The following A1CF variants were observed in gnomAD, a reference collection of about 807,000 sequenced individuals.
The protein encoded by A1CF is APOBEC1 complementation factor, also known as APOBEC-1 stimulating protein.
A1CF carries 48 observed loss-of-function variants against 68.9 expected under a neutral mutation model. The ratio of observed to expected loss-of-function variants is 0.70; its 90% CI spans 0.55 to 0.89. A1CF has a LOEUF of 0.89. A1CF is among the 40% of genes least tolerant of loss of function. The probability of loss-of-function intolerance (pLI) is 0.00; values close to 1 mark genes in which losing one functional copy is unlikely to be tolerated. For synonymous variants in A1CF, 272 were observed against 260.4 expected (o/e 1.04, Z -0.43); for missense variants, 653 against 718.9 (o/e 0.91, Z 1.05).
intron 1 of A1CF, among the ~76,000 whole-genome samples, chr10:50,877,980 G>A (rs1005134421): frequency 2.0e-5 from 3 of 152,190 alleles, no homozygotes; most frequent in African/African-American, 7.2e-5. Flanking sequence ...AAATTAGCCA[G>A]TTGTGGTGGC....
At chr10:50,863,059 T>G (rs1007838130) in intron 2 of A1CF, 54 of 152,226 alleles carry the variant, frequency 3.5e-4, no homozygotes, top group Admixed American at 3.1e-3. Context: ...AAAGGTATCT[T>G]GAAATCAGAA....
chr10:50,837,309 T>C (rs1347141145), intron 5 of A1CF, among the ~76,000 whole-genome samples: 3 of 152,062 alleles, frequency 2.0e-5, no homozygotes, highest in Non-Finnish European at 2.9e-5. Flanking sequence ...CTGTACAGAG[T>C]TGCTTCTTAG....
intron 3 of A1CF, among the ~76,000 whole-genome samples, chr10:50,856,173 A>G (rs886385195): frequency 6.6e-6 from 1 of 152,032 alleles, no homozygotes; most frequent in Admixed American, 6.6e-5. Context: ...ATAGTTGGGT[A>G]TTGCGTACCT....
intron 1 of A1CF, among the ~76,000 whole-genome samples, chr10:50,880,732 A>G (rs942990502): frequency 4.6e-5 from 7 of 152,244 alleles, no homozygotes; most frequent in Admixed American, 1.3e-4. Context: ...TCCCAGTAGA[A>G]GAGCTGGATA....
At chr10:50,830,492 C>G (rs1839185636) in intron 6 of A1CF, among the ~76,000 whole-genome samples, 1 of 151,916 alleles carries the variant, frequency 6.6e-6, no homozygotes, top group Admixed American at 6.6e-5. Context: ...AAAACTGAAA[C>G]AGAAATCAAG....
chr10:50,860,000 A>C lies in A1CF; in HGVS notation c.-45-15T>G. 1 of 1,312,894 alleles carries C rather than the reference A, an allele frequency of 7.6e-7. No individual in the cohort carries two copies. 81.3% of individuals were successfully genotyped at this position (1,312,894 alleles called of 1,614,324 possible). A position where few individuals can be genotyped will look rare whatever the true frequency, so the allele number is the denominator to read the frequency against. On this transcript the variant is annotated splice_polypyrimidine_tract_variant and intron_variant, in intron 2 of 12. Transcript: ENST00000373997. ...AGGGTTGCTCACTGAAACCAAATTT[A>C]AGATAAATTAAGTAAATTACTGTTG... is the stretch of plus-strand genomic sequence containing the variant.
chr10:50,821,775 G>C (rs917193656), intron 7 of A1CF, among the ~76,000 whole-genome samples: 1 of 152,116 alleles, frequency 6.6e-6, no homozygotes, highest in Non-Finnish European at 1.5e-5. Flanking sequence ...GACCTCAGGT[G>C]ATCTGCCTAC....
At chr10:50,872,946 C>CTT (rs34770362) in intron 1 of A1CF, among the ~76,000 whole-genome samples, 1,050 of 67,330 alleles carry the variant, frequency 0.016, 216 homozygotes, top group Non-Finnish European at 0.023. Flanking sequence ...ATTTAAGTTC[C>CTT]TTTTTTTTTT....
intron 8 of A1CF, among the ~76,000 whole-genome samples, chr10:50,818,956 C>G (rs180879863): frequency 1.1e-3 from 163 of 152,190 alleles, no homozygotes; most frequent in African/African-American, 3.6e-3. Flanking sequence ...ACATGGGGTC[C>G]TCTTTAGCCT....
At chr10:50,846,619 T>C (rs1342844888) in intron 3 of A1CF, among the ~76,000 whole-genome samples, 2 of 152,200 alleles carry the variant, frequency 1.3e-5, no homozygotes, top group Admixed American at 1.3e-4. Context: ...TTTGATAGTT[T>C]GAAAATAAAT....
At chr10:50,843,435 A>T (rs1839865863) in intron 4 of A1CF, among the ~76,000 whole-genome samples, 1 of 152,118 alleles carries the variant, frequency 6.6e-6, no homozygotes, top group Admixed American at 6.6e-5. Flanking sequence ...GTTGCTAAAA[A>T]CTACTTGGTA....
intron 1 of A1CF, among the ~76,000 whole-genome samples, chr10:50,869,574 T>C (rs1841154826): frequency 6.6e-6 from 1 of 152,162 alleles, no homozygotes; most frequent in African/African-American, 2.4e-5. Flanking sequence ...TCTCATAGAA[T>C]ATATTAGTAT....
intron 3 of A1CF, among the ~76,000 whole-genome samples, chr10:50,854,716 G>A (rs1356449420): frequency 4.0e-5 from 6 of 151,566 alleles, no homozygotes; most frequent in African/African-American, 9.7e-5. Flanking sequence ...CTATAATCCC[G>A]AGACCCAGCA....
intron 1 of A1CF, 85 bp downstream of exon 1, chr10:50,885,496 G>A (rs2132651560): frequency 6.6e-6 from 1 of 152,276 alleles, no homozygotes; most frequent in Middle Eastern, 3.4e-3. Context: ...GAGGGTAAAA[G>A]CTGTTTTCAC....
At chr10:50,877,822 T>A (rs1306973371) in intron 1 of A1CF, among the ~76,000 whole-genome samples, 1 of 152,212 alleles carries the variant, frequency 6.6e-6, no homozygotes, top group Non-Finnish European at 1.5e-5. Flanking sequence ...TGTCTCTGTC[T>A]TAGAAAAAAC....
intron 7 of A1CF, among the ~76,000 whole-genome samples, chr10:50,825,367 A>T (rs1838869863): frequency 6.6e-6 from 1 of 152,148 alleles, no homozygotes; most frequent in Admixed American, 6.6e-5. Context: ...CCACAAAATG[A>T]TATGGCAAAA....
intron 1 of A1CF, among the ~76,000 whole-genome samples, chr10:50,865,561 C>A (rs1346041318): frequency 6.6e-6 from 1 of 152,192 alleles, no homozygotes; most frequent in Non-Finnish European, 1.5e-5. Flanking sequence ...AGGTTCTTAG[C>A]ATGACACATT....
At chr10:50,810,080 T>C in intron 11 of A1CF, 38 bp from the exon 12 acceptor site, 4 of 1,608,034 alleles carry the variant, frequency 2.5e-6, no homozygotes, top group African/African-American at 1.3e-5. Flanking sequence ...ATTTTTAAAC[T>C]GGTACAACTG....
chr10:50,807,511 C>A (rs1016148148), intron 12 of A1CF, among the ~76,000 whole-genome samples: 3 of 152,128 alleles, frequency 2.0e-5, no homozygotes, highest in Non-Finnish European at 4.4e-5. Context: ...ACCTCCCAAG[C>A]CCCTCATCAA....
Sources: allele counts gnomAD v4.1 joint callset (sites outside exome capture counted in the v4.1 genomes callset), GRCh38; gene constraint gnomAD v4.1.1; transcripts MANE v1.5; gene names NCBI Gene and HGNC (gene_info 2026-07-23, HGNC 2026-07-21).